Variants in FN1 observed in about 807,000 individuals in gnomAD.
The protein encoded by FN1 is fibronectin.
In FN1, 106 loss-of-function variants were observed where a neutral mutation model predicts 297.3. The observed-to-expected ratio is 0.36, with a 90% confidence interval of 0.30 to 0.42. The LOEUF (loss-of-function observed/expected upper bound fraction) is 0.42, where lower values mean the gene tolerates loss of function less well. FN1 is among the 10% of genes least tolerant of loss of function. The pLI is 1.00. For synonymous variants in FN1, 1,149 were observed against 1,152.6 expected (o/e 1.00, Z 0.06); for missense variants, 2,690 against 3,124.9 (o/e 0.86, Z 3.32).
intron 27 of FN1, among the ~76,000 whole-genome samples, chr2:215,387,370 ACT>A (rs3051917): frequency 0.28 from 42,250 of 151,854 alleles, 6,700 homozygotes; most frequent in East Asian, 0.79. Context: ...AGATCTGCCC[ACT>A]CTCAAAGTAA....
At chr2:215,404,353 A>G (rs2061503940) in intron 20 of FN1, 36 bp downstream of exon 20, 1 of 1,585,716 alleles carries the variant, frequency 6.3e-7, no homozygotes, top group Non-Finnish European at 8.7e-7. Context: ...GAGAATGTAA[A>G]TATAGTTAAG....
chr2:215,409,511 G>C, intron 15 of FN1, 52 bp downstream of exon 15: 1 of 1,575,182 alleles, frequency 6.3e-7, no homozygotes. Flanking sequence ...CCCACAAGGA[G>C]AGTTTTCCAG....
At chr2:215,365,248 T>G (rs977107113) in intron 43 of FN1, among the ~76,000 whole-genome samples, 2 of 152,176 alleles carry the variant, frequency 1.3e-5, no homozygotes, top group African/African-American at 2.4e-5. Context: ...CAATAAAGCT[T>G]CTTTGTAGCA....
chr2:215,394,767 C>A, intron 23 of FN1, 48 bp from the exon 24 acceptor site: 1 of 1,446,104 alleles, frequency 6.9e-7, no homozygotes, highest in South Asian at 1.1e-5. Flanking sequence ...ATCTGTGAGC[C>A]AGAGCATATT....
intron 25 of FN1, 129 bp downstream of exon 25, chr2:215,392,802 C>A (rs774299355): frequency 3.9e-6 from 4 of 1,015,390 alleles, no homozygotes; most frequent in Admixed American, 3.6e-5. Flanking sequence ...CTTATCCCCC[C>A]AATCCACCCT....
intron 11 of FN1, among the ~76,000 whole-genome samples, chr2:215,419,634 TA>T (rs1220244010): frequency 1.3e-5 from 2 of 152,170 alleles, no homozygotes; most frequent in Admixed American, 6.6e-5. Context: ...AATAAAAATG[TA>T]AAGATTTAGA....
intron 26 of FN1, among the ~76,000 whole-genome samples, chr2:215,391,400 T>C (rs1254383616): frequency 6.6e-6 from 1 of 152,246 alleles, no homozygotes; most frequent in African/African-American, 2.4e-5. Context: ...GGAACTTTCC[T>C]GCAGGTGTTT....
At chr2:215,364,619 G>A in intron 44 of FN1, 1 of 552,864 alleles carries the variant, frequency 1.8e-6, no homozygotes, top group Non-Finnish European at 3.3e-6. Flanking sequence ...TATTAAGAAT[G>A]ACTCAAGACT....
intron 44 of FN1, among the ~76,000 whole-genome samples, chr2:215,363,813 CTTA>C (rs1018168222): frequency 2.6e-5 from 4 of 152,106 alleles, no homozygotes; most frequent in South Asian, 2.1e-4. Context: ...TAGAGAAAGG[CTTA>C]TTATTTTTTG....
chr2:215,371,869 C>T (rs1370801969), intron 40 of FN1, 40 bp downstream of exon 40: 2 of 1,552,666 alleles, frequency 1.3e-6, no homozygotes. Context: ...TTATTCCTTT[C>T]TGTGCTGCCC....
At chr2:215,421,703 G>C (rs1348684646) in intron 10 of FN1, among the ~76,000 whole-genome samples, 2 of 152,162 alleles carry the variant, frequency 1.3e-5, no homozygotes, top group Admixed American at 6.5e-5. Flanking sequence ...CTGAAATCTG[G>C]ATCTGTAAGG....
chr2:215,369,443 T>G lies in FN1; in HGVS notation c.6853+851A>C, dbSNP rs112345567. Among the ~76,000 whole-genome samples the G allele has an allele frequency of 5.2e-3, 786 of 152,284 alleles. 6 individuals carry two copies. Among genetic ancestry groups the G allele is most frequent in the African/African-American group, 0.018 (749 of 41,552 alleles). On this transcript the variant is annotated intron_variant, in intron 41 of 45. Transcript: ENST00000354785. ...ACATGTAAAGTAGCACAGTCTTCTA[T>G]CAGATGAGGGAAGGGGCTAAAATTA... is the stretch of plus-strand genomic sequence containing the variant.
chr2:215,400,072 C>G (rs2060813346), intron 20 of FN1, among the ~76,000 whole-genome samples: 1 of 151,856 alleles, frequency 6.6e-6, no homozygotes, highest in Non-Finnish European at 1.5e-5. Context: ...CCTGTAGTCC[C>G]AGCTTCTTGG....
intron 33 of FN1, chr2:215,380,560 C>A: frequency 1.9e-6 from 1 of 539,888 alleles, no homozygotes; most frequent in Non-Finnish European, 3.3e-6. Context: ...CTTTAGTATC[C>A]TCTTCAAATG....
chr2:215,362,196 T>A, intron 44 of FN1, 117 bp from the exon 45 acceptor site: 1 of 735,570 alleles, frequency 1.4e-6, no homozygotes, highest in South Asian at 1.5e-5. Context: ...ATATAAGCAG[T>A]TAATCACTAA....
At position 215,368,018 on chromosome 2, in the gene FN1, C is replaced by T. The variant is rs757231651; in HGVS notation, c.6863G>A (p.Gly2288Asp). The T allele has an allele frequency of 4.3e-6, 7 of 1,614,114 alleles. No homozygotes were observed. The highest frequency in any genetic ancestry group is 5.9e-6 in the Non-Finnish European group (7 of 1,179,986). Residue 2288 changes from glycine to aspartate, a missense_variant, in exon 42 of 46, where the codon GGC becomes GAC. Gly to Asp is a moderately conservative substitution (Grantham distance 94). Transcript: ENST00000354785. ...CGAGTCATCCGTAGGTTGGTTCAAG[C>T]CTTCGTTGACTATGAAGAAAAGGAA... ...VVTVGNSVNEGLNQPTDDSCF... is the reference protein window; with the variant it reads ...VVTVGNSVNEDLNQPTDDSCF...
At chr2:215,424,051 C>T (rs1242711142) in intron 8 of FN1, 95 bp downstream of exon 8, 18 of 1,241,732 alleles carry the variant, frequency 1.4e-5, no homozygotes, top group Admixed American at 3.4e-5. Flanking sequence ...GCTTCTTGGG[C>T]GGGTTCAAAA....
chr2:215,424,220 T>C lies in FN1; in HGVS notation c.1142A>G (p.Asp381Gly). The C allele has an allele frequency of 6.2e-7, 1 of 1,614,202 alleles. No homozygotes were observed. Among genetic ancestry groups the C allele is most frequent in the Non-Finnish European group, 8.5e-7 (1 of 1,180,030 alleles). The part of the protein sequence containing the change: ...FYSCTTEGRQ[D>G]GHLWCSTTSN... ...AGTTGTGCTGCACCAAAGATGTCCG[T>C]CCTGTCGCCCTTCTGTGGTGCAGGA... The change falls in exon 8 of 46, where the codon GAC (aspartate) becomes GGC (glycine). Residue 381 changes from aspartate (D) to glycine (G), a missense_variant. Around this residue, in one of 3 missense-constraint regions of FN1, gnomAD observed 876 missense variants for 1,058.1 expected, o/e 0.83. Transcript: ENST00000354785.
At chr2:215,419,162 G>T in intron 12 of FN1, 80 bp downstream of exon 12, 5 of 1,242,382 alleles carry the variant, frequency 4.0e-6, no homozygotes, top group South Asian at 3.6e-5. Context: ...CCCAACTTAG[G>T]CATGAGAGCA....
Sources: allele counts gnomAD v4.1 joint callset (sites outside exome capture counted in the v4.1 genomes callset), GRCh38; gene constraint gnomAD v4.1.1; regional missense constraint gnomAD v4.1.1; transcripts MANE v1.5; gene names NCBI Gene and HGNC (gene_info 2026-07-23, HGNC 2026-07-21).